Variants in ATP2B4 observed in about 807,000 individuals in gnomAD.
ATP2B4 encodes ATPase plasma membrane Ca2+ transporting 4.
Under a neutral mutation model 110.3 loss-of-function variants are expected in ATP2B4, and 39 were observed. That is an observed-to-expected ratio of 0.35 (90% CI 0.27 to 0.46). ATP2B4 has a LOEUF of 0.46. ATP2B4 is among the 20% of genes least tolerant of loss of function. The pLI is 1.00. For missense variants in ATP2B4, 1,135 were observed against 1,530.9 expected, an observed-to-expected ratio of 0.74 and a Z score of 4.32; for synonymous variants, 538 against 571.7, an observed-to-expected ratio of 0.94 and a Z score of 0.84.
At chr1:203,683,977 C>T (rs1665099732) in intron 2 of ATP2B4, among the ~76,000 whole-genome samples, 1 of 151,782 alleles carries the variant, frequency 6.6e-6, no homozygotes, top group Non-Finnish European at 1.5e-5. Context: ...CTGCTCCTGA[C>T]CCCTCTTTTC....
intron 1 of ATP2B4, among the ~76,000 whole-genome samples, chr1:203,669,635 C>T (rs142189465): frequency 0.058 from 8,762 of 152,100 alleles, 529 homozygotes; most frequent in African/African-American, 0.16. Flanking sequence ...CGGAGTTTCT[C>T]CATATTGGTC....
intron 1 of ATP2B4, among the ~76,000 whole-genome samples, chr1:203,634,106 A>G (rs1440835331): frequency 6.6e-6 from 1 of 152,194 alleles, no homozygotes; most frequent in Non-Finnish European, 1.5e-5. Context: ...TCATATATGT[A>G]TGGGGTGTAA....
intron 1 of ATP2B4, among the ~76,000 whole-genome samples, chr1:203,681,943 A>C (rs1665027868): frequency 6.6e-6 from 1 of 151,160 alleles, no homozygotes; most frequent in Non-Finnish European, 1.5e-5. Flanking sequence ...TAGAAAAAAA[A>C]AAAAGTTCAC....
chr1:203,629,701 G>A lies in ATP2B4; in HGVS notation c.-465+2482G>A, dbSNP rs549675976. Among the ~76,000 whole-genome samples the A allele has an allele frequency of 6.6e-6, 1 of 152,312 alleles. No individual in the cohort carries two copies. Among genetic ancestry groups the A allele is most frequent in the South Asian group, 2.1e-4 (1 of 4,824 alleles). On this transcript the variant is annotated intron_variant, in intron 1 of 20. Transcript: ENST00000357681. The surrounding 1 kb of genome is among the most constrained non-coding windows in gnomAD (Gnocchi z 4.6). ...TCTGCTGTAGTCTGAGAACTCCGTG[G>A]AGAATGCGAACCGAGCGGCGAACGG...
chr1:203,720,229 G>A (rs1666281721), intron 15 of ATP2B4, among the ~76,000 whole-genome samples: 1 of 152,204 alleles, frequency 6.6e-6, no homozygotes, highest in African/African-American at 2.4e-5. Flanking sequence ...ACAGAAATGT[G>A]AGAATTTGGA....
At chr1:203,633,628 G>A (rs969424173) in intron 1 of ATP2B4, among the ~76,000 whole-genome samples, 2 of 151,722 alleles carry the variant, frequency 1.3e-5, no homozygotes, top group African/African-American at 4.8e-5. Flanking sequence ...GCCGGAAATC[G>A]ATTGAACTCA....
rs1231880003 is a variant in ATP2B4, at chr1:203,703,016, C to T, written c.938-636C>T. On this transcript the variant is annotated intron_variant, in intron 7 of 20. Transcript: ENST00000357681. ...CCTCACACCAGCTTCTTCCCTCTTC[C>T]CCAAAAGACTTAACCCCAGGTCCCA... Among the ~76,000 whole-genome samples the T allele has an allele frequency of 3.3e-5, 5 of 151,962 alleles. No individual in the cohort carries two copies. The East Asian group carries it at 7.7e-4, about 23-fold the overall frequency.
chr1:203,672,316 C>T (rs72743701), intron 1 of ATP2B4, among the ~76,000 whole-genome samples: 22,585 of 122,616 alleles, frequency 0.18, 2,019 homozygotes, highest in Middle Eastern at 0.31. Context: ...GAGTAAGTTG[C>T]GGTGGCTCTT....
At chr1:203,663,828 T>C (rs1156325832) in intron 1 of ATP2B4, among the ~76,000 whole-genome samples, 1 of 152,134 alleles carries the variant, frequency 6.6e-6, no homozygotes, top group Admixed American at 6.5e-5. Context: ...GGTCTCAAAC[T>C]CCTGGCCTCA....
chr1:203,645,590 CTTTT>C (rs751707749), intron 1 of ATP2B4, among the ~76,000 whole-genome samples: 1 of 138,536 alleles, frequency 7.2e-6, no homozygotes, highest in Non-Finnish European at 1.6e-5. Context: ...CCTTTTCTTT[CTTTT>C]TTTTTTTTTT....
chr1:203,723,459 T>TCTCTCTCTCTCTCTCTCTCC (rs1558052460), intron 18 of ATP2B4, among the ~76,000 whole-genome samples: 1 of 128,630 alleles, frequency 7.8e-6, no homozygotes, highest in African/African-American at 3.1e-5. Flanking sequence ...TCTCTCTCTC[T>TCTCTCTCTCTCTCTCTCTCC]CCCTCTGCCT....
At chr1:203,704,572 C>G (rs1665794087) in intron 8 of ATP2B4, among the ~76,000 whole-genome samples, 2 of 146,414 alleles carry the variant, frequency 1.4e-5, no homozygotes, top group South Asian at 4.4e-4. Context: ...ACTCTACCTC[C>G]TGGGTTCAAG....
chr1:203,712,252 A>G (rs1254070061), intron 13 of ATP2B4, 113 bp downstream of exon 13: 12 of 1,245,710 alleles, frequency 9.6e-6, no homozygotes, highest in Admixed American at 2.5e-5. Context: ...AGTGAAAGCT[A>G]TTCGTAGTGA....
chr1:203,720,953 A>C (rs1666303617), intron 16 of ATP2B4, among the ~76,000 whole-genome samples: 1 of 152,212 alleles, frequency 6.6e-6, no homozygotes. Flanking sequence ...CAGCCACTGT[A>C]ATAAGCATTT....
intron 1 of ATP2B4, among the ~76,000 whole-genome samples, chr1:203,655,247 C>A (rs1664123743): frequency 6.6e-6 from 1 of 152,138 alleles, no homozygotes; most frequent in African/African-American, 2.4e-5. Context: ...ATTACATAAA[C>A]ATAGTTGATA....
Position 203,740,050 on chromosome 1 carries a change from G to A in ATP2B4, c.*196G>A. Reference sequence around the variant, plus strand: ...GGATTTCAACTTAAGCTTGACTTGGGGTTTGTAGCGGGACCCAGTCAAACC... The same window carrying A: ...GGATTTCAACTTAAGCTTGACTTGGAGTTTGTAGCGGGACCCAGTCAAACC... On this transcript the variant is annotated 3_prime_UTR_variant, in exon 21 of 21. Transcript: ENST00000357681. 1 of 629,230 alleles carries A rather than the reference G, an allele frequency of 1.6e-6. No homozygotes were observed. The highest frequency in any genetic ancestry group is 2.8e-5 in the East Asian group (1 of 35,276). The allele number at this position is 629,230 out of a possible 1,614,324, so 39.0% of individuals were successfully genotyped here. A position where few individuals can be genotyped will look rare whatever the true frequency, so the allele number is the denominator to read the frequency against.
chr1:203,633,189 A>T (rs2102294595), intron 1 of ATP2B4, among the ~76,000 whole-genome samples: 1 of 152,382 alleles, frequency 6.6e-6, no homozygotes, highest in South Asian at 2.1e-4. Context: ...CACATTAAGC[A>T]TTCCAAAGGA....
At chr1:203,725,178 G>C (rs552300088) in intron 19 of ATP2B4, among the ~76,000 whole-genome samples, 26 of 149,196 alleles carry the variant, frequency 1.7e-4, no homozygotes, top group African/African-American at 6.2e-4. Context: ...ACCTGGCCCA[G>C]CTCTTGTTGC....
intron 1 of ATP2B4, among the ~76,000 whole-genome samples, chr1:203,635,282 T>C (rs1379053414): frequency 1.3e-5 from 2 of 152,138 alleles, no homozygotes; most frequent in Non-Finnish European, 1.5e-5. Context: ...CCCCCATTTA[T>C]TTTTGAAACA....
Sources: gnomAD v4.1 joint callset for allele counts (sites outside exome capture counted in the v4.1 genomes callset) on GRCh38, gnomAD v4.1.1 for gene constraint, Gnocchi (gnomAD v3.1) non-coding constraint, MANE v1.5 for transcripts, NCBI Gene and HGNC (gene_info 2026-07-23, HGNC 2026-07-21) for gene names.